Variants in OSBPL1A observed in about 807,000 individuals in gnomAD.
OSBPL1A encodes the protein oxysterol binding protein like 1A, also known as oxysterol-binding protein-related protein 1.
A neutral mutation model predicts 137.1 loss-of-function variants in OSBPL1A; 80 were observed. The observed-to-expected ratio is 0.58, with a 90% CI of 0.49 to 0.70. OSBPL1A has a LOEUF of 0.70. Among genes scored for constraint, OSBPL1A ranks in the 30% least tolerant of loss-of-function variants. The pLI is 0.00. For missense variants in OSBPL1A, 970 were observed against 1,129.4 expected (o/e 0.86, Z 2.02); for synonymous variants, 365 against 389.7 (o/e 0.94, Z 0.75).
intron 1 of OSBPL1A, among the ~76,000 whole-genome samples, chr18:24,382,096 T>TACA (rs1414197150): frequency 1.3e-4 from 20 of 151,532 alleles, no homozygotes; most frequent in Admixed American, 1.3e-3. Context: ...TCTATAAAAA[T>TACA]ACAAAAAATC....
chr18:24,343,264 A>C (rs1327123582), intron 4 of OSBPL1A, among the ~76,000 whole-genome samples: 1 of 152,172 alleles, frequency 6.6e-6, no homozygotes, highest in African/African-American at 2.4e-5. Flanking sequence ...AAACTTAACC[A>C]TGAAGACAAA....
chr18:24,171,258 A>T, intron 23 of OSBPL1A, 151 bp downstream of exon 23: 1 of 542,038 alleles, frequency 1.8e-6, no homozygotes, highest in Non-Finnish European at 3.3e-6. Flanking sequence ...CTGGTCTTGA[A>T]CCTGACCTCG....
chr18:24,390,736 A>G (rs1907292661), intron 1 of OSBPL1A, among the ~76,000 whole-genome samples: 1 of 151,758 alleles, frequency 6.6e-6, no homozygotes, highest in South Asian at 2.1e-4. Flanking sequence ...ATTAAATTAA[A>G]AAAAATTGAA....
At chr18:24,198,863 GT>G (rs570099539) in intron 17 of OSBPL1A, among the ~76,000 whole-genome samples, 51 of 141,612 alleles carry the variant, frequency 3.6e-4, no homozygotes, top group East Asian at 6.2e-4. Flanking sequence ...TTTTTTTGTT[GT>G]TTTTTTTTTT....
chr18:24,288,508 C>T (rs1166527232), intron 14 of OSBPL1A, among the ~76,000 whole-genome samples: 2 of 152,236 alleles, frequency 1.3e-5, no homozygotes, highest in Non-Finnish European at 2.9e-5. Context: ...TGGCTCACGC[C>T]TGTAATCCCA....
chr18:24,241,615 G>T (rs1176654512), intron 15 of OSBPL1A, among the ~76,000 whole-genome samples: 1 of 152,166 alleles, frequency 6.6e-6, no homozygotes, highest in Non-Finnish European at 1.5e-5. Flanking sequence ...TTATTAAAGA[G>T]TCAGAAAACA....
chr18:24,314,243 G>C lies in OSBPL1A; in HGVS notation c.969+6C>G, dbSNP rs2090677114. 6.4e-7 allele frequency: 1 copy of C among 1,568,962 alleles called. No individual in the cohort carries two copies. The highest frequency in any genetic ancestry group is 8.7e-7 in the Non-Finnish European group (1 of 1,151,132). ...TTAGGAAAGATACATGAATCCATAA[G>C]ATTACCTCTCTTGACTGCTGAAGGC... On this transcript the variant is annotated splice_donor_region_variant and intron_variant, in intron 12 of 27. Coordinates refer to ENST00000319481, the MANE Select transcript of OSBPL1A (RefSeq NM_080597.4).
At position 24,266,077 on chromosome 18, in the gene OSBPL1A, A is replaced by G. The variant is rs189119551; in HGVS notation, c.1281+14765T>C. 1.3e-5 allele frequency among the ~76,000 whole-genome samples: 2 copies of G among 152,324 alleles called. 1 individual carries two copies. The highest frequency in any genetic ancestry group is 1.3e-4 in the Admixed American group (2 of 15,300). Reference sequence around the variant, plus strand: ...ATGTAGAAAGAAAGGGTCTGCGTTAACGACTCCGTGTTAGACAAAAGAACG... The same window carrying G: ...ATGTAGAAAGAAAGGGTCTGCGTTAGCGACTCCGTGTTAGACAAAAGAACG... On this transcript the variant is annotated intron_variant, in intron 15 of 27. Transcript: ENST00000319481.
At chr18:24,197,172 AC>A (rs2087059285) in intron 17 of OSBPL1A, among the ~76,000 whole-genome samples, 1 of 152,102 alleles carries the variant, frequency 6.6e-6, no homozygotes, top group African/African-American at 2.4e-5. Flanking sequence ...ACATAGTGAA[AC>A]CCATCTCCAC....
chr18:24,316,119 G>A (rs564992508), intron 11 of OSBPL1A, among the ~76,000 whole-genome samples: 96 of 151,188 alleles, frequency 6.3e-4, no homozygotes, highest in African/African-American at 2.3e-3. Context: ...AAAATTAGCC[G>A]GGCATGGCAG....
At chr18:24,391,558 T>C (rs1286735850) in intron 1 of OSBPL1A, among the ~76,000 whole-genome samples, 1 of 76,972 alleles carries the variant, frequency 1.3e-5, no homozygotes, top group Non-Finnish European at 2.7e-5. Flanking sequence ...CCCCAGTCTC[T>C]ACAAAAAAAA....
intron 15 of OSBPL1A, among the ~76,000 whole-genome samples, chr18:24,255,564 C>A (rs192209311): frequency 1.3e-5 from 2 of 152,044 alleles, no homozygotes; most frequent in African/African-American, 4.8e-5. Context: ...CTACCTATGA[C>A]CTGGAAGCCT....
At chr18:24,345,130 T>TAA (rs142427226) in intron 4 of OSBPL1A, among the ~76,000 whole-genome samples, 2 of 149,966 alleles carry the variant, frequency 1.3e-5, no homozygotes, top group African/African-American at 4.9e-5. Context: ...GAAGAATGTT[T>TAA]AAAAAAAAAT....
intron 1 of OSBPL1A, among the ~76,000 whole-genome samples, chr18:24,378,837 C>T (rs965397301): frequency 6.6e-6 from 1 of 152,120 alleles, no homozygotes; most frequent in South Asian, 2.1e-4. Context: ...AAGAGAGACA[C>T]CAGGAGGTCC....
chr18:24,338,619 G>T (rs945911934), intron 5 of OSBPL1A, among the ~76,000 whole-genome samples: 6 of 152,122 alleles, frequency 3.9e-5, no homozygotes, highest in Admixed American at 6.5e-5. Context: ...CAGCTCTCAG[G>T]TACTTGAGTA....
intron 17 of OSBPL1A, among the ~76,000 whole-genome samples, chr18:24,224,094 T>A (rs2087983250): frequency 6.6e-6 from 1 of 152,288 alleles, no homozygotes; most frequent in East Asian, 1.9e-4. Flanking sequence ...AAACTGTTTT[T>A]ATCTAGTTGG....
At chr18:24,275,613 C>G (rs960599872) in intron 15 of OSBPL1A, among the ~76,000 whole-genome samples, 2 of 152,220 alleles carry the variant, frequency 1.3e-5, no homozygotes. Flanking sequence ...CACATGATCT[C>G]TCTTCAAAGA....
Position 24,318,774 on chromosome 18 carries a change from T to C in OSBPL1A, c.661A>G (p.Met221Val), listed in dbSNP as rs1199997745. Residue 221 changes from methionine to valine, a missense_variant, in exon 8 of 28, where the codon ATG (methionine) becomes GTG (valine). By Grantham distance (21) the Met-to-Val change is conservative. Coordinates refer to ENST00000319481, the MANE Select transcript of OSBPL1A (RefSeq NM_080597.4). ...TTATTACCAACAAGAATGTGTTTCA[T>C]TTCAGCACCCTGGGCAAGGTCAAGA... The part of the protein sequence containing the change: ...KPLDLAQGAE[M>V]KHILVGNKVI... 5 of 1,613,386 alleles carry C rather than the reference T, an allele frequency of 3.1e-6. No individual in the cohort carries two copies. Among genetic ancestry groups the C allele is most frequent in the Admixed American group, 3.3e-5 (2 of 59,994 alleles).
Position 24,366,947 on chromosome 18 carries a change from A to G in OSBPL1A, c.227T>C (p.Val76Ala). ...DLLKAGAEVN[V>A]LNDMGDTPLH... is the part of the protein sequence containing the mutation. ...CGGCGTGTCTCCCATGTCATTCAACACATTCACTTCTGCACCAGCCTAGTA... is the reference window on the plus strand; with the variant it reads ...CGGCGTGTCTCCCATGTCATTCAACGCATTCACTTCTGCACCAGCCTAGTA... Residue 76 changes from valine (V) to alanine (A), a missense_variant, in exon 4 of 28, where the codon GTG becomes GCG. Coordinates refer to ENST00000319481, the MANE Select transcript of OSBPL1A (RefSeq NM_080597.4). The G allele has an allele frequency of 2.5e-6, 4 of 1,612,768 alleles. 1 individual carries two copies. The highest frequency in any genetic ancestry group is 3.3e-4 in the Middle Eastern group (2 of 6,054).
Sources: allele counts gnomAD v4.1 joint callset (sites outside exome capture counted in the v4.1 genomes callset), GRCh38; gene constraint gnomAD v4.1.1; transcripts MANE v1.5; gene names NCBI Gene and HGNC (gene_info 2026-07-23, HGNC 2026-07-21).